Variants in MAPDA observed in about 807,000 individuals in gnomAD.
MAPDA encodes the protein N6-Methyl-AMP deaminase.
the MAPDA span, chr15:43,335,257 G>A: frequency 9.9e-6 from 14 of 1,408,840 alleles, no homozygotes; most frequent in Admixed American, 5.3e-5. Context: ...AATTTTGGCT[G>A]GGCGCAGTGG....
At chr15:43,336,174 T>C in the MAPDA span, among the ~76,000 whole-genome samples, 1 of 152,164 alleles carries the variant, frequency 6.6e-6, no homozygotes. Context: ...CCCAAGTAGC[T>C]GGGACCACAG....
chr15:43,349,245 G>A, the MAPDA span: 1 of 1,317,608 alleles, frequency 7.6e-7, no homozygotes, highest in Non-Finnish European at 9.7e-7. Context: ...ATGAGAGCAG[G>A]GCCCCTGCTT....
chr15:43,341,898 G>C, the MAPDA span, among the ~76,000 whole-genome samples: 1 of 152,058 alleles, frequency 6.6e-6, no homozygotes, highest in African/African-American at 2.4e-5. Context: ...GAGTGCAGTG[G>C]TGGGATCTTG....
At chr15:43,348,695 G>A in the MAPDA span, among the ~76,000 whole-genome samples, 1 of 152,112 alleles carries the variant, frequency 6.6e-6, no homozygotes, top group Non-Finnish European at 1.5e-5. Flanking sequence ...CTTAATAAGT[G>A]TTTATTATTA....
At chr15:43,351,225 C>T in the MAPDA span, 15 of 558,004 alleles carry the variant, frequency 2.7e-5, no homozygotes, top group East Asian at 4.8e-4. Context: ...ACTCGGGAGA[C>T]TAAGGCAGGA....
the MAPDA span, chr15:43,348,764 G>C: frequency 1.5e-6 from 1 of 688,912 alleles, no homozygotes; most frequent in East Asian, 2.9e-5. Flanking sequence ...AAGGCAAAGA[G>C]CTAGGAAGGC....
chr15:43,342,302 T>C, the MAPDA span, among the ~76,000 whole-genome samples: 3 of 152,018 alleles, frequency 2.0e-5, no homozygotes, highest in East Asian at 5.8e-4. Context: ...CTCTTGCAGA[T>C]CCCCTCAGAG....
the MAPDA span, chr15:43,340,474 T>C: frequency 6.5e-6 from 5 of 765,132 alleles, no homozygotes; most frequent in African/African-American, 7.1e-5. Flanking sequence ...CTGTATTTCA[T>C]TGAACCTTTA....
the MAPDA span, among the ~76,000 whole-genome samples, chr15:43,343,917 A>G: frequency 6.6e-6 from 1 of 151,714 alleles, no homozygotes; most frequent in Non-Finnish European, 1.5e-5. Context: ...AATGCAGAGA[A>G]GAAGACATAC....
the MAPDA span, among the ~76,000 whole-genome samples, chr15:43,333,096 G>A: frequency 6.6e-6 from 1 of 152,068 alleles, no homozygotes; most frequent in South Asian, 2.1e-4. Context: ...GGTTTGAATG[G>A]GGCACAAATT....
chr15:43,339,250 C>A, the MAPDA span, among the ~76,000 whole-genome samples: 1 of 152,196 alleles, frequency 6.6e-6, no homozygotes, highest in African/African-American at 2.4e-5. Flanking sequence ...CCTGGAGTTT[C>A]ATGTGATTTA....
chr15:43,350,383 T>A, the MAPDA span, among the ~76,000 whole-genome samples: 1 of 151,992 alleles, frequency 6.6e-6, no homozygotes, highest in African/African-American at 2.4e-5. Flanking sequence ...CGGCCAATAG[T>A]AGGAGTCATT....
the MAPDA span, chr15:43,347,180 G>A: frequency 1.8e-6 from 2 of 1,119,560 alleles, no homozygotes; most frequent in South Asian, 3.0e-5. Flanking sequence ...GAATAAACCG[G>A]GATTGGAAAA....
chr15:43,335,232 C>A, the MAPDA span: 125 of 1,558,446 alleles, frequency 8.0e-5, no homozygotes, highest in Non-Finnish European at 7.0e-5. Context: ...GATGTTGCTT[C>A]TTTTCATCAA....
chr15:43,342,480 GGCTCATACCTGTAATCCCA>G, the MAPDA span, among the ~76,000 whole-genome samples: 1 of 150,722 alleles, frequency 6.6e-6, no homozygotes, highest in Non-Finnish European at 1.5e-5. Context: ...CAAGTGTAGT[GGCTCATACCTGTAATCCCA>G]GCACTTTGGG....
the MAPDA span, among the ~76,000 whole-genome samples, chr15:43,346,544 G>A: frequency 1.3e-5 from 2 of 152,220 alleles, no homozygotes; most frequent in Non-Finnish European, 2.9e-5. Flanking sequence ...GTCCCCTGGG[G>A]GGCAGAATTG....
the MAPDA span, chr15:43,349,305 T>C: frequency 1.9e-4 from 224 of 1,196,242 alleles, no homozygotes; most frequent in Non-Finnish European, 2.2e-4. Flanking sequence ...ATAAGAATTT[T>C]TTAAAGGAAT....
the MAPDA span, chr15:43,348,782 G>C: frequency 1.1e-6 from 1 of 893,266 alleles, no homozygotes; most frequent in East Asian, 2.7e-5. Context: ...GGCAGAAGTA[G>C]TTCAGTTTTC....
the MAPDA span, chr15:43,335,761 G>A: frequency 6.2e-7 from 1 of 1,613,976 alleles, no homozygotes; most frequent in Non-Finnish European, 8.5e-7. Flanking sequence ...TAGCCCAGAA[G>A]CCAGATCTTA....
Sources: gnomAD v4.1 joint callset for allele counts (sites outside exome capture counted in the v4.1 genomes callset) on GRCh38, gnomAD v4.1.1 for gene constraint, MANE v1.5 for transcripts, NCBI Gene and HGNC (gene_info 2026-07-23, HGNC 2026-07-21) for gene names.